The following OSMR variants were observed in gnomAD, a reference collection of about 807,000 sequenced individuals.
OSMR encodes oncostatin M receptor.
A neutral mutation model predicts 99.9 loss-of-function variants in OSMR; 81 were observed. The observed-to-expected ratio is 0.81, with a 90% CI of 0.68 to 0.97. The LOEUF (loss-of-function observed/expected upper bound fraction) is 0.97. OSMR is among the 50% of genes least tolerant of loss of function. The pLI, the probability that OSMR is intolerant of heterozygous loss-of-function variation, is 0.00. For missense variants in OSMR, 1,099 were observed against 1,153.4 expected, an observed-to-expected ratio of 0.95 and a Z score of 0.68; for synonymous variants, 406 against 410.4, an observed-to-expected ratio of 0.99 and a Z score of 0.13.
intron 14 of OSMR, 185 bp from the exon 15 acceptor site, chr5:38,925,019 T>A (rs1746409495): frequency 1.0e-6 from 1 of 954,408 alleles, no homozygotes; most frequent in Non-Finnish European, 1.2e-6. Flanking sequence ...TTGTGCCATC[T>A]CCTGACCATT....
chr5:38,919,121 T>G, intron 11 of OSMR, 59 bp downstream of exon 11: 1 of 1,591,282 alleles, frequency 6.3e-7, no homozygotes, highest in Admixed American at 1.8e-5. Flanking sequence ...GATGACGTTA[T>G]TAAGTAGTGA....
intron 1 of OSMR, chr5:38,940,784 T>C (rs747117021): frequency 4.3e-6 from 1 of 232,062 alleles, no homozygotes; most frequent in African/African-American, 2.2e-5. Flanking sequence ...TAAAAAAGTA[T>C]CTCTGTGAGT....
At chr5:38,874,948 C>T (rs889943672) in intron 2 of OSMR, among the ~76,000 whole-genome samples, 1 of 152,268 alleles carries the variant, frequency 6.6e-6, no homozygotes, top group Non-Finnish European at 1.5e-5. Context: ...ATTTTTACTT[C>T]CCTAAGAGAA....
intron 1 of OSMR, among the ~76,000 whole-genome samples, chr5:38,866,709 G>T (rs1453611385): frequency 6.6e-6 from 1 of 151,748 alleles, no homozygotes; most frequent in African/African-American, 2.4e-5. Flanking sequence ...ATGGTCCTGT[G>T]CTGATGAGAG....
intron 1 of OSMR, among the ~76,000 whole-genome samples, chr5:38,857,706 C>T (rs185526247): frequency 7.4e-4 from 112 of 152,044 alleles, no homozygotes; most frequent in Admixed American, 1.6e-3. Context: ...CTCGCTGTGT[C>T]GCCTAGGCTG....
chr5:38,921,848 C>A, intron 12 of OSMR, 54 bp downstream of exon 12: 1 of 1,474,976 alleles, frequency 6.8e-7, no homozygotes, highest in Non-Finnish European at 9.5e-7. Context: ...GAAGAAAGTT[C>A]AAGTGGGATT....
At chr5:38,863,693 T>G (rs1211269786) in intron 1 of OSMR, among the ~76,000 whole-genome samples, 1 of 152,244 alleles carries the variant, frequency 6.6e-6, no homozygotes, top group Non-Finnish European at 1.5e-5. Context: ...AAGTGCAGTT[T>G]AAAATCAGTG....
At chr5:38,877,283 G>A (rs1477754235) in intron 3 of OSMR, among the ~76,000 whole-genome samples, 2 of 152,144 alleles carry the variant, frequency 1.3e-5, no homozygotes, top group Non-Finnish European at 1.5e-5. Flanking sequence ...CACACATACA[G>A]CATGGTTAGT....
At chr5:38,896,883 C>CT (rs1224348193) in intron 7 of OSMR, among the ~76,000 whole-genome samples, 5 of 151,652 alleles carry the variant, frequency 3.3e-5, no homozygotes, top group Non-Finnish European at 7.4e-5. Context: ...TCATCAAATG[C>CT]TTTTTTAGCA....
At chr5:38,944,568 A>T in intron 2 of OSMR, 3 of 1,586,876 alleles carry the variant, frequency 1.9e-6, no homozygotes, top group Non-Finnish European at 2.6e-6. Flanking sequence ...TTGTTTTAAC[A>T]CCTGAAAAGA....
chr5:38,917,153 T>A (rs1029883431), intron 9 of OSMR, among the ~76,000 whole-genome samples: 1 of 152,078 alleles, frequency 6.6e-6, no homozygotes, highest in African/African-American at 2.4e-5. Context: ...GGGTTCCCCA[T>A]CACTGTGTCT....
rs16351 is a variant in OSMR at position 38,935,309 on chromosome 5, T to TCAA, written c.*1870_*1872dup. The stretch of plus-strand genomic sequence containing the variant: ...GCCACACCTCAAAATAATGTGGCTG[T>TCAA]CAACAACTGGCCTAAATAAACCTAC... On this transcript the variant is annotated 3_prime_UTR_variant, in exon 18 of 18. Coordinates refer to ENST00000274276, the MANE Select transcript of OSMR (RefSeq NM_003999.3). The TCAA allele has an allele frequency of 6.6e-6, 1 of 151,668 alleles. No individual in the cohort carries two copies. The highest frequency in any genetic ancestry group is 1.5e-5 in the Non-Finnish European group (1 of 67,928). The allele number at this position is 151,668 out of a possible 1,614,324, so 9.4% of individuals were successfully genotyped here.
At chr5:38,856,703 G>T (rs1016648780) in intron 1 of OSMR, among the ~76,000 whole-genome samples, 1 of 152,204 alleles carries the variant, frequency 6.6e-6, no homozygotes, top group Non-Finnish European at 1.5e-5. Flanking sequence ...ATGTAGTGGT[G>T]TGATCATGGC....
chr5:38,919,464 A>ACT, intron 11 of OSMR: 2 of 720,788 alleles, frequency 2.8e-6, no homozygotes, highest in Non-Finnish European at 4.0e-6. Context: ...ACCTGGAAAG[A>ACT]GTCCATGAAC....
chr5:38,882,671 A>G (rs1743387295), intron 4 of OSMR, among the ~76,000 whole-genome samples: 1 of 152,220 alleles, frequency 6.6e-6, no homozygotes. Flanking sequence ...GGAATATGGA[A>G]AAATGAAAGT....
downstream of OSMR, among the ~76,000 whole-genome samples, chr5:38,936,293 C>A (rs540081416): frequency 5.2e-4 from 79 of 152,144 alleles, 1 homozygote; most frequent in South Asian, 0.014. Context: ...TATCTGAGTT[C>A]TCTAAATAAG....
intron 1 of OSMR, among the ~76,000 whole-genome samples, chr5:38,848,937 C>CT (rs74563497): frequency 4.7e-4 from 69 of 146,816 alleles, no homozygotes; most frequent in East Asian, 1.0e-3. Flanking sequence ...CCACACCTGA[C>CT]TTTTTTTTTT....
chr5:38,861,385 C>A (rs1009366311), intron 1 of OSMR, among the ~76,000 whole-genome samples: 3 of 152,022 alleles, frequency 2.0e-5, no homozygotes, highest in Non-Finnish European at 4.4e-5. Flanking sequence ...CGCCCTTAAT[C>A]CATTTAAACC....
At chr5:38,849,748 A>G (rs1332890333) in intron 1 of OSMR, among the ~76,000 whole-genome samples, 1 of 152,192 alleles carries the variant, frequency 6.6e-6, no homozygotes, top group Non-Finnish European at 1.5e-5. Flanking sequence ...TTGGTTAATG[A>G]CTTATCTGAT....
Sources: gnomAD v4.1 joint callset for allele counts (sites outside exome capture counted in the v4.1 genomes callset) on GRCh38, gnomAD v4.1.1 for gene constraint, MANE v1.5 for transcripts, NCBI Gene and HGNC (gene_info 2026-07-23, HGNC 2026-07-21) for gene names.